Variants in PPP2R2B observed in about 807,000 individuals in gnomAD.
PPP2R2B encodes protein phosphatase 2 regulatory subunit Bbeta.
A neutral mutation model predicts 46.0 loss-of-function variants in PPP2R2B; 5 were observed. That is an observed-to-expected ratio of 0.11 (90% CI 0.06 to 0.23). The LOEUF is 0.23. Among genes scored for constraint, PPP2R2B ranks in the 10% least tolerant of loss-of-function variants. PPP2R2B has a pLI of 1.00. For synonymous variants in PPP2R2B, 215 were observed against 206.7 expected, an observed-to-expected ratio of 1.04 and a Z score of -0.34; for missense variants, 367 against 575.0, an observed-to-expected ratio of 0.64 and a Z score of 3.70.
chr5:146,609,824 C>A (rs1158252059), intron 7 of PPP2R2B, among the ~76,000 whole-genome samples: 2 of 136,360 alleles, frequency 1.5e-5, no homozygotes, highest in African/African-American at 6.0e-5. Flanking sequence ...ATATCCCACA[C>A]CTGGCTCAGA....
chr5:147,009,897 A>G (rs1348528544), intron 1 of PPP2R2B, among the ~76,000 whole-genome samples: 2 of 147,990 alleles, frequency 1.4e-5, no homozygotes, highest in Non-Finnish European at 3.0e-5. Flanking sequence ...ACACACACAC[A>G]CATATATATA....
At chr5:146,776,032 T>G (rs190506720) in intron 2 of PPP2R2B, among the ~76,000 whole-genome samples, 23 of 152,206 alleles carry the variant, frequency 1.5e-4, no homozygotes, top group Admixed American at 1.2e-3. Flanking sequence ...CTTAATACTG[T>G]TAAGATGATA....
intron 1 of PPP2R2B, among the ~76,000 whole-genome samples, chr5:146,896,115 C>T (rs1022704270): frequency 2.0e-5 from 3 of 152,080 alleles, no homozygotes; most frequent in Non-Finnish European, 4.4e-5. Flanking sequence ...TTTGGAGTTA[C>T]ACAAACTTTG....
At chr5:146,613,840 G>A (rs1772868271) in intron 7 of PPP2R2B, among the ~76,000 whole-genome samples, 1 of 142,106 alleles carries the variant, frequency 7.0e-6, no homozygotes, top group Non-Finnish European at 1.5e-5. Context: ...ACTGCTCAAG[G>A]AAATAAAAGA....
chr5:146,809,203 A>T (rs1441850564), intron 2 of PPP2R2B, among the ~76,000 whole-genome samples: 1 of 152,188 alleles, frequency 6.6e-6, no homozygotes, highest in Non-Finnish European at 1.5e-5. Context: ...TGTGGCCGTC[A>T]GGCTTTCTGC....
chr5:146,866,501 T>C (rs1761316661), intron 2 of PPP2R2B, among the ~76,000 whole-genome samples: 1 of 152,174 alleles, frequency 6.6e-6, no homozygotes, highest in Admixed American at 6.5e-5. Context: ...CCAGATACTA[T>C]ACTAGGAGAT....
chr5:147,035,086 G>A (rs1283173044), intron 1 of PPP2R2B: 2 of 455,564 alleles, frequency 4.4e-6, no homozygotes, highest in South Asian at 3.1e-5. Flanking sequence ...GAAGGAAGGT[G>A]CATTAGTTCG....
intron 2 of PPP2R2B, among the ~76,000 whole-genome samples, chr5:146,743,038 A>C (rs905263001): frequency 9.2e-5 from 14 of 152,198 alleles, no homozygotes; most frequent in Admixed American, 3.3e-4. Context: ...TAGCCTCCAG[A>C]ACTGTGAGAC....
At chr5:146,621,690 C>G (rs138462297) in intron 7 of PPP2R2B, among the ~76,000 whole-genome samples, 1 of 152,216 alleles carries the variant, frequency 6.6e-6, no homozygotes, top group Non-Finnish European at 1.5e-5. Flanking sequence ...CACCTACTAC[C>G]TGCTCCAGAC....
chr5:146,834,109 AG>A (rs1425364147), intron 2 of PPP2R2B, among the ~76,000 whole-genome samples: 4 of 152,226 alleles, frequency 2.6e-5, no homozygotes, highest in Admixed American at 2.6e-4. Flanking sequence ...AATGCTAAAA[AG>A]GATTCTTGTT....
At chr5:146,707,368 G>A in intron 2 of PPP2R2B, 1 of 812,724 alleles carries the variant, frequency 1.2e-6, no homozygotes, top group South Asian at 1.3e-5. Context: ...ATGGATGTTG[G>A]GGTTCACCTT....
At chr5:146,791,662 C>T (rs1481102513) in intron 2 of PPP2R2B, among the ~76,000 whole-genome samples, 1 of 152,208 alleles carries the variant, frequency 6.6e-6, no homozygotes, top group Non-Finnish European at 1.5e-5. Flanking sequence ...TTTGCAGATG[C>T]TATTCCACTT....
At chr5:146,897,400 T>A (rs1762681219) in intron 1 of PPP2R2B, among the ~76,000 whole-genome samples, 1 of 152,136 alleles carries the variant, frequency 6.6e-6, no homozygotes, top group Admixed American at 6.5e-5. Context: ...TGGTCTGGGG[T>A]GGACTAAGGT....
upstream of PPP2R2B, among the ~76,000 whole-genome samples, chr5:146,881,221 G>C (rs1377701922): frequency 1.3e-5 from 2 of 152,022 alleles, no homozygotes; most frequent in Non-Finnish European, 2.9e-5. Flanking sequence ...TCATGTCTTG[G>C]CATTCAGCCT....
chr5:146,985,089 C>T (rs1238678471), intron 1 of PPP2R2B, among the ~76,000 whole-genome samples: 13 of 138,020 alleles, frequency 9.4e-5, no homozygotes, highest in East Asian at 2.2e-4. Flanking sequence ...GGTGTGATCT[C>T]GGCTCACTGC....
intron 1 of PPP2R2B, among the ~76,000 whole-genome samples, chr5:147,026,297 G>A (rs918200900): frequency 6.6e-6 from 1 of 152,002 alleles, no homozygotes; most frequent in African/African-American, 2.4e-5. Flanking sequence ...TAAAAAGATC[G>A]AACTATTGCT....
chr5:147,061,905 A>G (rs1011505556), intron 2 of PPP2R2B, among the ~76,000 whole-genome samples: 28 of 152,176 alleles, frequency 1.8e-4, no homozygotes, highest in African/African-American at 6.8e-4. Context: ...GACAAATAAA[A>G]TCTCTTAATT....
chr5:147,024,387 A>C (rs1261511215), intron 1 of PPP2R2B, among the ~76,000 whole-genome samples: 5 of 152,234 alleles, frequency 3.3e-5, no homozygotes, highest in African/African-American at 1.2e-4. Flanking sequence ...TAATTTCAAC[A>C]TTCCTCTCTC....
At chr5:146,763,019 G>A (rs573462807) in intron 2 of PPP2R2B, among the ~76,000 whole-genome samples, 1 of 152,318 alleles carries the variant, frequency 6.6e-6, no homozygotes, top group South Asian at 2.1e-4. Context: ...GACCCGCCTG[G>A]CTCCAAGAGC....
Sources: gnomAD v4.1 joint callset for allele counts (sites outside exome capture counted in the v4.1 genomes callset) on GRCh38, gnomAD v4.1.1 for gene constraint, MANE v1.5 for transcripts, NCBI Gene and HGNC (gene_info 2026-07-23, HGNC 2026-07-21) for gene names.